Variants in HSDL2 observed in about 807,000 individuals in gnomAD.
HSDL2 encodes the protein hydroxysteroid dehydrogenase like 2.
HSDL2 carries 27 observed loss-of-function variants against 46.3 expected under a neutral mutation model. The ratio of observed to expected loss-of-function variants is 0.58; its 90% CI spans 0.43 to 0.80. The LOEUF (loss-of-function observed/expected upper bound fraction) is 0.80, where lower values mean the gene tolerates loss of function less well. Among genes scored for constraint, HSDL2 ranks in the 30% least tolerant of loss-of-function variants. HSDL2 has a pLI of 0.00. For missense variants in HSDL2, 451 were observed against 502.7 expected (o/e 0.90, Z 0.98); for synonymous variants, 153 against 163.6 (o/e 0.94, Z 0.50).
intron 9 of HSDL2, among the ~76,000 whole-genome samples, chr9:112,457,699 A>G (rs1248508472): frequency 6.6e-6 from 1 of 152,172 alleles, no homozygotes; most frequent in Non-Finnish European, 1.5e-5. Flanking sequence ...TCTCACTTAA[A>G]AAACAAATCC....
intron 6 of HSDL2, among the ~76,000 whole-genome samples, chr9:112,436,680 T>A (rs931895296): frequency 2.6e-5 from 4 of 152,094 alleles, no homozygotes; most frequent in African/African-American, 9.7e-5. Context: ...AACCTATGAA[T>A]TATGTTGGAA....
intron 1 of HSDL2, among the ~76,000 whole-genome samples, chr9:112,384,900 C>G (rs901718694): frequency 6.6e-5 from 10 of 151,832 alleles, no homozygotes; most frequent in African/African-American, 2.4e-4. Flanking sequence ...GAAAGAAAAA[C>G]AGGAACTTTG....
At chr9:112,420,585 C>T (rs1187113456) in intron 6 of HSDL2, among the ~76,000 whole-genome samples, 1 of 151,870 alleles carries the variant, frequency 6.6e-6, no homozygotes, top group Non-Finnish European at 1.5e-5. Flanking sequence ...ATGGGAGGAT[C>T]ACTTAAGTCC....
chr9:112,403,849 TC>T (rs1831662417), intron 1 of HSDL2, 145 bp from the exon 2 acceptor site: 1 of 697,784 alleles, frequency 1.4e-6, no homozygotes, highest in African/African-American at 1.8e-5. Context: ...AGTGGAGTTA[TC>T]TGCCATCAGA....
At chr9:112,446,870 G>T (rs1190258137) in intron 8 of HSDL2, among the ~76,000 whole-genome samples, 1 of 152,212 alleles carries the variant, frequency 6.6e-6, no homozygotes, top group Non-Finnish European at 1.5e-5. Context: ...AAAGTAGCAT[G>T]TGTAAAACAG....
At chr9:112,408,024 T>G (rs1831769107) in intron 3 of HSDL2, among the ~76,000 whole-genome samples, 1 of 152,232 alleles carries the variant, frequency 6.6e-6, no homozygotes, top group Admixed American at 6.5e-5. Context: ...TACTCTAGGT[T>G]TATTTTTTGT....
intron 9 of HSDL2, among the ~76,000 whole-genome samples, chr9:112,457,763 C>T (rs543402434): frequency 6.6e-6 from 1 of 152,334 alleles, no homozygotes; most frequent in Admixed American, 6.5e-5. Flanking sequence ...ACCTTTTCCT[C>T]TTCATATGCA....
intron 1 of HSDL2, among the ~76,000 whole-genome samples, chr9:112,399,082 A>C (rs559977782): frequency 1.3e-5 from 2 of 152,124 alleles, no homozygotes; most frequent in East Asian, 1.9e-4. Flanking sequence ...GCCACTTGGC[A>C]TGCCAGATAT....
At position 112,441,684 on chromosome 9, in the gene HSDL2, G is replaced by A. The variant is rs755829140; in HGVS notation, c.794-15G>A. 10 of 1,589,774 alleles carry A rather than the reference G, an allele frequency of 6.3e-6. No homozygotes were observed. The South Asian group carries it at 1.1e-4, about 18-fold the overall frequency. On this transcript the variant is annotated splice_polypyrimidine_tract_variant and intron_variant, in intron 7 of 10. Transcript: ENST00000398805. ...GTAGTTACATTAACCTAATGGTTTG[G>A]GGTCAATTTTTCAGGTCATCCTTTG...
At chr9:112,468,382 TA>T (rs1402077721) in intron 10 of HSDL2, among the ~76,000 whole-genome samples, 2 of 152,350 alleles carry the variant, frequency 1.3e-5, no homozygotes, top group East Asian at 3.9e-4. Context: ...CTATTACACA[TA>T]TATTTGTATA....
intron 3 of HSDL2, among the ~76,000 whole-genome samples, chr9:112,407,088 A>G (rs1831748976): frequency 6.6e-6 from 1 of 152,216 alleles, no homozygotes; most frequent in Non-Finnish European, 1.5e-5. Flanking sequence ...GGACTGAAGC[A>G]CGGAGCTTTG....
rs571345955 is a variant in HSDL2 at position 112,463,539 on chromosome 9, A to AT, written c.1144+3969dup. On this transcript the variant is annotated intron_variant, in intron 10 of 10. Coordinates refer to ENST00000398805, the MANE Select transcript of HSDL2 (RefSeq NM_032303.5). ...CCAACACTTGTTGTCTTTTAAAAAC[A>AT]TTTTTTTAAAATTGCTCCTTGCAGA... 6.6e-4 allele frequency among the ~76,000 whole-genome samples: 101 copies of AT among 152,240 alleles called. 1 individual carries two copies. Among genetic ancestry groups the AT allele is most frequent in the Non-Finnish European group, 1.4e-3 (93 of 68,010 alleles).
Position 112,454,090 on chromosome 9 carries a change from A to G in HSDL2, c.943A>G (p.Arg315Gly), listed in dbSNP as rs1334458399. 36 of 1,613,970 alleles carry G rather than the reference A, an allele frequency of 2.2e-5. No individual in the cohort carries two copies. Among genetic ancestry groups the G allele is most frequent in the Non-Finnish European group, 3.1e-5 (36 of 1,179,944 alleles). ...PRSGAVEETF[R>G]IVKDSLSDDV... ...TTCTGGAGCTGTGGAAGAAACATTT[A>G]GAATTGTTAAGGACTCTCTCAGTGA... The change falls in exon 9 of 11, where the codon AGA becomes GGA. Residue 315 changes from arginine (R) to glycine (G), a missense_variant. Arg to Gly is a moderately radical substitution (Grantham distance 125). Transcript: ENST00000398805.
chr9:112,443,926 G>T (rs564744788), intron 8 of HSDL2, among the ~76,000 whole-genome samples: 1 of 152,316 alleles, frequency 6.6e-6, no homozygotes, highest in South Asian at 2.1e-4. Flanking sequence ...AAGGGAGTTA[G>T]ATAGGTAGAG....
intron 8 of HSDL2, among the ~76,000 whole-genome samples, chr9:112,453,386 G>A (rs1832934978): frequency 6.6e-6 from 1 of 151,798 alleles, no homozygotes; most frequent in Admixed American, 6.6e-5. Flanking sequence ...TTGTGTTTAG[G>A]TCTGTTTCTT....
Position 112,416,913 on chromosome 9 carries a change from C to T in HSDL2, c.468C>T (p.Asn156=), listed in dbSNP as rs753371029. 2.5e-6 allele frequency: 4 copies of T among 1,602,136 alleles called. No individual in the cohort carries two copies. In the East Asian group the frequency reaches 8.9e-5, roughly 36 times the overall value. ...TCCTCAATATCAGTCCACCACTGAA[C>T]CTAAATCCAGTTTGGTTCAAACAGC... The part of the protein sequence containing the change: ...AHILNISPPL[N]LNPVWFKQHC... The change falls in exon 5 of 11, where the codon AAC becomes AAT. Residue 156 remains asparagine, a synonymous_variant. Coordinates refer to ENST00000398805, the MANE Select transcript of HSDL2 (RefSeq NM_032303.5).
At position 112,457,338 on chromosome 9, in the gene HSDL2, C is replaced by A. The variant is rs7875922; in HGVS notation, c.1016-2111C>A. Among the ~76,000 whole-genome samples, 758 of 152,190 alleles carry A rather than the reference C, an allele frequency of 5.0e-3. 7 individuals are homozygous for A. The highest frequency in any genetic ancestry group is 0.017 in the African/African-American group (725 of 41,514). ...GCCCCTTGGTTTGACAGTGAAGGAG[C>A]TGAGATGAACCAGACGTGCTGGTTT... On this transcript the variant is annotated intron_variant, in intron 9 of 10. Coordinates refer to ENST00000398805, the MANE Select transcript of HSDL2 (RefSeq NM_032303.5).
chr9:112,405,228 T>C (rs1044823436), intron 2 of HSDL2, among the ~76,000 whole-genome samples: 4 of 152,074 alleles, frequency 2.6e-5, no homozygotes, highest in African/African-American at 4.8e-5. Context: ...GGTGCATGCC[T>C]ATAGTCCCAG....
intron 1 of HSDL2, among the ~76,000 whole-genome samples, chr9:112,381,024 T>G (rs893261900): frequency 5.3e-5 from 8 of 152,060 alleles, no homozygotes; most frequent in African/African-American, 1.9e-4. Flanking sequence ...CCCTAAAATC[T>G]AGTTCCCCAG....
Sources: allele counts gnomAD v4.1 joint callset (sites outside exome capture counted in the v4.1 genomes callset), GRCh38; gene constraint gnomAD v4.1.1; transcripts MANE v1.5; gene names NCBI Gene and HGNC (gene_info 2026-07-23, HGNC 2026-07-21).